CSMD2: variants seen among roughly 807,000 people sequenced by gnomAD.
The protein encoded by CSMD2 is CUB and sushi domain-containing protein 2.
Under a neutral mutation model 398.5 loss-of-function variants are expected in CSMD2, and 130 were observed. The ratio of observed to expected loss-of-function variants is 0.33; its 90% CI spans 0.28 to 0.38. CSMD2 has a LOEUF of 0.38. Among genes scored for constraint, CSMD2 ranks in the 10% least tolerant of loss-of-function variants. CSMD2 has a pLI of 1.00. For missense variants in CSMD2, 3,829 were observed against 4,764.9 expected, an observed-to-expected ratio of 0.80 and a Z score of 5.78; for synonymous variants, 1,828 against 1,908.5, an observed-to-expected ratio of 0.96 and a Z score of 1.10.
intron 6 of CSMD2, among the ~76,000 whole-genome samples, chr1:33,835,857 T>G (rs1660187067): frequency 6.6e-6 from 1 of 152,078 alleles, no homozygotes; most frequent in African/African-American, 2.4e-5. Flanking sequence ...CCTTCTTCTC[T>G]TAACTCGTCA....
At chr1:33,615,930 C>T (rs572567452) in intron 39 of CSMD2, among the ~76,000 whole-genome samples, 7 of 152,336 alleles carry the variant, frequency 4.6e-5, no homozygotes, top group South Asian at 4.1e-4. Context: ...CTTAGGTTTC[C>T]GTTCCTGACT....
chr1:33,943,925 T>TACACACACACAC (rs57400434), intron 3 of CSMD2, among the ~76,000 whole-genome samples: 8 of 144,374 alleles, frequency 5.5e-5, no homozygotes, highest in African/African-American at 2.0e-4. Context: ...TAATCAGAAT[T>TACACACACACAC]ACACACACAC....
intron 2 of CSMD2, among the ~76,000 whole-genome samples, chr1:34,063,852 T>C (rs767188286): frequency 6.6e-6 from 1 of 152,242 alleles, no homozygotes; most frequent in Non-Finnish European, 1.5e-5. Context: ...AACTTTTGCC[T>C]GGGCATCCAG....
chr1:33,864,475 G>T, intron 5 of CSMD2: 1 of 1,613,378 alleles, frequency 6.2e-7, no homozygotes, highest in South Asian at 1.1e-5. Context: ...GAACCCAGAC[G>T]GCCTCCATCA....
At chr1:34,037,478 TACC>T (rs111664229) in intron 2 of CSMD2, among the ~76,000 whole-genome samples, 6,545 of 152,290 alleles carry the variant, frequency 0.043, 487 homozygotes, top group African/African-American at 0.15. Context: ...CATCCCATTG[TACC>T]CTATGGATTA....
intron 13 of CSMD2, among the ~76,000 whole-genome samples, chr1:33,767,598 G>C (rs1650677393): frequency 6.6e-6 from 1 of 152,134 alleles, no homozygotes; most frequent in Admixed American, 6.5e-5. Context: ...TACATAGCAG[G>C]TACTCAATAA....
In CSMD2 at chr1:33,846,957, G is replaced by C. The variant is rs777009876; in HGVS notation, c.960C>G (p.Ser320Arg). 6.2e-7 allele frequency: 1 copy of C among 1,610,856 alleles called. No homozygotes were observed. The highest frequency in any genetic ancestry group is 8.5e-7 in the Non-Finnish European group (1 of 1,178,470). Reference sequence around the variant, plus strand: ...TGAAGTGCAGTCGCAGCCAGTTCTTGCTGCTGATAACGGGGGCTGGGAGGC... The same window carrying C: ...TGAAGTGCAGTCGCAGCCAGTTCTTCCTGCTGATAACGGGGGCTGGGAGGC... ...GASLPAPVIS[S>R]KNWLRLHFTS... The change falls in exon 6 of 71, where the codon AGC becomes AGG. Residue 320 changes from serine (S) to arginine (R), a missense_variant. Physicochemically the swap from Ser to Arg is moderately radical, Grantham distance 110 (BLOSUM62 -1). Transcript: ENST00000373381.
chr1:34,084,930 C>T (rs1657682549), intron 2 of CSMD2, among the ~76,000 whole-genome samples: 1 of 152,154 alleles, frequency 6.6e-6, no homozygotes, highest in Non-Finnish European at 1.5e-5. Flanking sequence ...CACATGTACA[C>T]ATATGTTTAT....
chr1:33,553,749 A>G (rs1284892484), intron 55 of CSMD2, among the ~76,000 whole-genome samples: 1 of 152,214 alleles, frequency 6.6e-6, no homozygotes, highest in African/African-American at 2.4e-5. Flanking sequence ...TACATGAATA[A>G]GAAAATGAAA....
intron 6 of CSMD2, among the ~76,000 whole-genome samples, chr1:33,833,080 G>A (rs1346784652): frequency 7.1e-6 from 1 of 140,744 alleles, no homozygotes; most frequent in Admixed American, 7.2e-5. Context: ...GTACAAGGAG[G>A]AACTGGTACC....
intron 1 of CSMD2, among the ~76,000 whole-genome samples, chr1:34,117,319 A>G (rs1469055374): frequency 3.3e-5 from 5 of 152,150 alleles, no homozygotes; most frequent in African/African-American, 9.6e-5. Context: ...ATAAAAGACT[A>G]CAATGAACAA....
At chr1:33,698,458 C>T (rs943257501) in intron 24 of CSMD2, among the ~76,000 whole-genome samples, 6 of 152,200 alleles carry the variant, frequency 3.9e-5, no homozygotes, top group Non-Finnish European at 8.8e-5. Flanking sequence ...CACCTCATCG[C>T]TATCACCCGC....
chr1:33,772,232 G>T (rs982858833), intron 13 of CSMD2: 6 of 210,682 alleles, frequency 2.8e-5, no homozygotes, highest in African/African-American at 1.4e-4. Flanking sequence ...TGGTGTCAGG[G>T]GTGGCAATGA....
chr1:33,914,408 GTGTT>G (rs750043354), intron 5 of CSMD2, among the ~76,000 whole-genome samples: 94 of 147,664 alleles, frequency 6.4e-4, no homozygotes, highest in South Asian at 1.5e-3. Flanking sequence ...GTGTGTGTGT[GTGTT>G]TGTGTGTATG....
In CSMD2 at chr1:33,519,537, G is replaced by A; in HGVS notation, c.10877C>T (p.Thr3626Ile). 1 of 1,613,972 alleles carries A rather than the reference G, an allele frequency of 6.2e-7. No homozygotes were observed. The highest frequency in any genetic ancestry group is 8.5e-7 in the Non-Finnish European group (1 of 1,180,014). The part of the protein sequence containing the change: ...MASEAEFTVS[T>I]VCTAV ...GGGTGGCTATACTGCTGTGCACACT[G>A]TGCTGACTGTGAACTCCGCCTCGCT... is the stretch of plus-strand genomic sequence containing the variant. The change falls in exon 70 of 71, where the codon ACA (threonine) becomes ATA (isoleucine). Residue 3626 changes from threonine to isoleucine, a missense_variant. Physicochemically the swap from Thr to Ile is moderately conservative, Grantham distance 89. This residue lies in a region of CSMD2 where 917 missense variants were observed against 1,199.5 expected (regional missense o/e 0.76). Coordinates refer to ENST00000373381, the MANE Select transcript of CSMD2 (RefSeq NM_001281956.2). This position sits in a 1 kb window ranked among gnomAD's most constrained non-coding sequence, Gnocchi z 5.6.
At chr1:33,987,442 G>A (rs1161255065) in intron 3 of CSMD2, among the ~76,000 whole-genome samples, 1 of 152,146 alleles carries the variant, frequency 6.6e-6, no homozygotes, top group African/African-American at 2.4e-5. Context: ...CTGCTCGCAA[G>A]TGCTACTGCT....
chr1:34,133,919 A>G (rs1376986121), intron 1 of CSMD2, among the ~76,000 whole-genome samples: 2 of 151,732 alleles, frequency 1.3e-5, no homozygotes, highest in Non-Finnish European at 2.9e-5. Flanking sequence ...AAATACAAAA[A>G]TTAGCCGGGT....
In CSMD2 at chr1:33,571,711, T is replaced by A. The variant is rs1659614723; in HGVS notation, c.7778A>T (p.Asp2593Val). 7 of 1,499,510 alleles carry A rather than the reference T, an allele frequency of 4.7e-6. No individual in the cohort carries two copies. Among genetic ancestry groups the A allele is most frequent in the Non-Finnish European group, 6.3e-6 (7 of 1,109,770 alleles). The allele number at this position is 1,499,510 out of a possible 1,614,324, so 92.9% of individuals were successfully genotyped here. A position where few individuals can be genotyped will look rare whatever the true frequency, so the allele number is the denominator to read the frequency against. Residue 2593 changes from aspartate (D) to valine (V), a missense_variant, in exon 51 of 71, where the codon GAT becomes GTT. This residue lies in a region of CSMD2 where 723 missense variants were observed against 758.6 expected (regional missense o/e 0.95). Transcript: ENST00000373381. ...ATGCTCCACGCTGATGCTACTGACA[T>A]CAGGACAAGTCACAGCTGGGGAAAT... is the stretch of plus-strand genomic sequence containing the variant. The part of the protein sequence containing the change: ...PPQCVPVTCP[D>V]VSSISVEHGR...
chr1:33,626,882 T>G (rs1406106237), intron 32 of CSMD2, among the ~76,000 whole-genome samples: 1 of 152,326 alleles, frequency 6.6e-6, no homozygotes, highest in East Asian at 1.9e-4. Flanking sequence ...TTAAATGACC[T>G]GTGCCGGAAA....
Sources: gnomAD v4.1 joint callset for allele counts (sites outside exome capture counted in the v4.1 genomes callset) on GRCh38, gnomAD v4.1.1 for gene constraint, gnomAD v4.1.1 regional missense constraint, Gnocchi (gnomAD v3.1) non-coding constraint, MANE v1.5 for transcripts, NCBI Gene and HGNC (gene_info 2026-07-23, HGNC 2026-07-21) for gene names.